The following MAP4K3 variants were observed in gnomAD, a reference collection of about 807,000 sequenced individuals.
MAP4K3 encodes MAPK/ERK kinase kinase kinase 3.
Under a neutral mutation model 143.5 loss-of-function variants are expected in MAP4K3, and 94 were observed. The ratio of observed to expected loss-of-function variants is 0.65; its 90% CI spans 0.55 to 0.78. The LOEUF (loss-of-function observed/expected upper bound fraction) is 0.78. MAP4K3 is among the 30% of genes least tolerant of loss of function. The pLI is 0.00. For missense variants in MAP4K3, 1,077 were observed against 1,068.1 expected (o/e 1.01, Z -0.12); for synonymous variants, 416 against 347.2 (o/e 1.20, Z -2.20).
At chr2:39,425,341 C>T (rs1665033207) in intron 1 of MAP4K3, among the ~76,000 whole-genome samples, 1 of 152,154 alleles carries the variant, frequency 6.6e-6, no homozygotes, top group African/African-American at 2.4e-5. Context: ...AAAAGAATAA[C>T]ACATATCTAG....
At chr2:39,278,274 A>AAAAAC (rs1252279617) in intron 24 of MAP4K3, 133 bp downstream of exon 24, 66 of 565,848 alleles carry the variant, frequency 1.2e-4, no homozygotes, top group African/African-American at 6.6e-4. Flanking sequence ...CTTGGTCTCA[A>AAAAAC]AAAACAAAAC....
intron 1 of MAP4K3, among the ~76,000 whole-genome samples, chr2:39,434,540 C>T (rs1309109046): frequency 6.6e-6 from 1 of 152,240 alleles, no homozygotes; most frequent in African/African-American, 2.4e-5. Flanking sequence ...TAAAGATCTA[C>T]ACTGACTCAG....
At chr2:39,347,177 G>A (rs1019406773) in intron 3 of MAP4K3, among the ~76,000 whole-genome samples, 7 of 152,146 alleles carry the variant, frequency 4.6e-5, no homozygotes, top group Admixed American at 3.9e-4. Flanking sequence ...ACTGGAATAC[G>A]AGCTTATGTT....
intron 3 of MAP4K3, among the ~76,000 whole-genome samples, chr2:39,355,549 A>G (rs544634327): frequency 1.3e-5 from 2 of 152,056 alleles, no homozygotes; most frequent in Non-Finnish European, 2.9e-5. Flanking sequence ...CAAAAGAAAG[A>G]AAGGAAAAAA....
At position 39,286,858 on chromosome 2, in the gene MAP4K3, ATCTT is replaced by A. The variant is rs1681798955; in HGVS notation, c.1577_1580del (p.Lys526MetfsTer31). ...TATGACTATCAATACCTACTGGTAC[ATCTT>A]TCTTTTCTTTTCTTGAAAGGTTTGT... On this transcript the variant is annotated frameshift_variant, in exon 21 of 34. Transcript: ENST00000263881. LOFTEE classifies it high-confidence loss of function. The A allele has an allele frequency of 6.3e-7, 1 of 1,597,482 alleles. No homozygotes were observed. Among genetic ancestry groups the A allele is most frequent in the South Asian group, 1.1e-5 (1 of 88,790 alleles).
At chr2:39,398,746 TG>T (rs1469393910) in intron 1 of MAP4K3, among the ~76,000 whole-genome samples, 10 of 110,482 alleles carry the variant, frequency 9.1e-5, no homozygotes, top group East Asian at 6.6e-4. Flanking sequence ...ATAATAATAA[TG>T]ATGATGATAA....
intron 8 of MAP4K3, among the ~76,000 whole-genome samples, chr2:39,329,389 A>G (rs1051061581): frequency 2.6e-5 from 4 of 152,182 alleles, no homozygotes; most frequent in African/African-American, 9.7e-5. Flanking sequence ...CTAAAACCAT[A>G]ACACACAGAC....
At chr2:39,369,849 T>C (rs962072584) in intron 2 of MAP4K3, among the ~76,000 whole-genome samples, 10 of 152,242 alleles carry the variant, frequency 6.6e-5, no homozygotes, top group African/African-American at 2.2e-4. Flanking sequence ...GGATCTTCAG[T>C]GACCCATGAA....
chr2:39,412,690 G>C (rs927604354), intron 1 of MAP4K3, among the ~76,000 whole-genome samples: 2 of 152,068 alleles, frequency 1.3e-5, no homozygotes, highest in Admixed American at 6.5e-5. Flanking sequence ...AGTAGTTAAC[G>C]TTTATGAAGT....
rs539353269 is a variant in MAP4K3 at position 39,395,695 on chromosome 2, C to T, written c.97-17572G>A. On this transcript the variant is annotated intron_variant, in intron 1 of 33. Transcript: ENST00000263881. ...CTTTGTTTACTAAAACCTACTATAG[C>T]GCTCTACATTTCAATTTTCAATTTT... is the stretch of plus-strand genomic sequence containing the variant. 1.0e-3 allele frequency among the ~76,000 whole-genome samples: 157 copies of T among 152,272 alleles called. 1 individual carries two copies. Among genetic ancestry groups the T allele is most frequent in the African/African-American group, 3.4e-3 (140 of 41,544 alleles).
At chr2:39,302,321 A>G (rs1386766013) in intron 15 of MAP4K3, among the ~76,000 whole-genome samples, 1 of 152,176 alleles carries the variant, frequency 6.6e-6, no homozygotes, top group East Asian at 1.9e-4. Flanking sequence ...GGAACAAAAC[A>G]ATGTGCTAGG....
At chr2:39,281,054 T>A (rs894373268) in intron 22 of MAP4K3, among the ~76,000 whole-genome samples, 42 of 152,154 alleles carry the variant, frequency 2.8e-4, no homozygotes, top group African/African-American at 9.9e-4. Flanking sequence ...TCTGAAATTA[T>A]CCTTCTGGTT....
At chr2:39,314,309 C>T (rs991938823) in intron 13 of MAP4K3, among the ~76,000 whole-genome samples, 15 of 152,180 alleles carry the variant, frequency 9.9e-5, no homozygotes, top group African/African-American at 3.6e-4. Context: ...GGATTACAAG[C>T]ATGAGCCACT....
Position 39,265,222 on chromosome 2 carries a change from T to C in MAP4K3, c.2117A>G (p.Gln706Arg). 4 of 1,607,520 alleles carry C rather than the reference T, an allele frequency of 2.5e-6. No individual in the cohort carries two copies. The highest frequency in any genetic ancestry group is 3.4e-6 in the Non-Finnish European group (4 of 1,174,138). The change falls in exon 28 of 34, where the codon CAG (glutamine) becomes CGG (arginine). Residue 706 changes from glutamine to arginine, a missense_variant. Gln to Arg is a conservative substitution (Grantham distance 43). Around this residue, in one of 2 missense-constraint regions of MAP4K3, gnomAD observed 864 missense variants for 801.2 expected, o/e 1.08. Transcript: ENST00000263881. ...IVLLEWVEPMQKFMLIKHIDF... is the reference protein window; with the variant it reads ...IVLLEWVEPMRKFMLIKHIDF... ...GCTTACCTTAATTAACATAAATTTC[T>C]GCATTGGTTCAACCCATTCTAATAG... is the stretch of plus-strand genomic sequence containing the variant.
intron 24 of MAP4K3, among the ~76,000 whole-genome samples, chr2:39,277,495 C>G (rs572391490): frequency 6.6e-6 from 1 of 152,300 alleles, no homozygotes; most frequent in South Asian, 2.1e-4. Context: ...CCTATTAGAT[C>G]ATGAGCTTCT....
chr2:39,273,975 CA>C (rs1681143631), intron 24 of MAP4K3, among the ~76,000 whole-genome samples: 1 of 152,110 alleles, frequency 6.6e-6, no homozygotes, highest in African/African-American at 2.4e-5. Flanking sequence ...TTATTTAATT[CA>C]GTGTTGAACT....
intron 1 of MAP4K3, among the ~76,000 whole-genome samples, chr2:39,410,434 T>C (rs1206981633): frequency 4.6e-5 from 7 of 152,196 alleles, no homozygotes; most frequent in Non-Finnish European, 1.0e-4. Context: ...ATCTTAGCAT[T>C]TCTTGTAAAG....
chr2:39,363,963 T>C (rs1307187437), intron 2 of MAP4K3, among the ~76,000 whole-genome samples: 1 of 142,296 alleles, frequency 7.0e-6, no homozygotes, highest in Middle Eastern at 3.5e-3. Flanking sequence ...AAACATAATG[T>C]CACTTCTCAC....
rs1046123688 is a variant in MAP4K3 at position 39,436,127 on chromosome 2, G to A, written c.96+765C>T. ...GTGAGGCCAAGAGTTGAGTTGGCCA[G>A]GGAAGAGTGATTTATCTTCCCACAT... On this transcript the variant is annotated intron_variant, in intron 1 of 33. Transcript: ENST00000263881. Among the ~76,000 whole-genome samples the A allele has an allele frequency of 2.6e-5, 4 of 152,158 alleles. 1 individual carries two copies. Among genetic ancestry groups the A allele is most frequent in the Admixed American group, 2.6e-4 (4 of 15,280 alleles).
Sources: gnomAD v4.1 joint callset for allele counts (sites outside exome capture counted in the v4.1 genomes callset) on GRCh38, gnomAD v4.1.1 for gene constraint, gnomAD v4.1.1 regional missense constraint, MANE v1.5 for transcripts, NCBI Gene and HGNC (gene_info 2026-07-23, HGNC 2026-07-21) for gene names.